SLCO1B1: variants seen among roughly 807,000 people sequenced by gnomAD.
The protein encoded by SLCO1B1 is OATP-2.
Under a neutral mutation model 70.1 loss-of-function variants are expected in SLCO1B1, and 81 were observed. That is an observed-to-expected ratio of 1.16 (90% CI 0.97 to 1.39). SLCO1B1 has a LOEUF of 1.39. SLCO1B1 is among the 40% of genes most tolerant of loss of function. The pLI, the probability that SLCO1B1 is intolerant of heterozygous loss-of-function variation, is 0.00. For synonymous variants in SLCO1B1, 283 were observed against 271.5 expected, an observed-to-expected ratio of 1.04 and a Z score of -0.42; for missense variants, 895 against 799.6, an observed-to-expected ratio of 1.12 and a Z score of -1.44.
Position 21,239,097 on chromosome 12 carries a change from G to T in SLCO1B1, c.1984G>T (p.Gly662Ter). 5 of 1,609,946 alleles carry T rather than the reference G, an allele frequency of 3.1e-6. No homozygotes were observed. The highest frequency in any genetic ancestry group is 4.2e-6 in the Non-Finnish European group (5 of 1,176,738). The stretch of plus-strand genomic sequence containing the variant: ...GAAAGATATCAATGCATCAGAAAAT[G>T]GAAGTGTCATGGATGAAGCAAACTT... Reference protein sequence around the residue: ...QEKDINASENGSVMDEANLES... With the variant: ...QEKDINASEN Residue 662 changes from glycine to a stop codon, truncating the protein, a stop_gained, in exon 15 of 15, where the codon GGA (glycine) becomes TGA (stop). Coordinates refer to ENST00000256958, the MANE Select transcript of SLCO1B1 (RefSeq NM_006446.5). LOFTEE classifies it low-confidence loss of function (END_TRUNC).
At chr12:21,213,757 C>T (rs1288544309) in intron 11 of SLCO1B1, among the ~76,000 whole-genome samples, 15 of 145,086 alleles carry the variant, frequency 1.0e-4, no homozygotes, top group African/African-American at 2.3e-4. Flanking sequence ...GGAGGCTTTG[C>T]TCGTTTCTTT....
intron 1 of SLCO1B1, among the ~76,000 whole-genome samples, chr12:21,139,705 ATGCATG>A (rs1940280244): frequency 6.6e-6 from 1 of 152,152 alleles, no homozygotes; most frequent in Non-Finnish European, 1.5e-5. Context: ...GGGCATTCAC[ATGCATG>A]TGCAAAGTGG....
chr12:21,215,260 C>A (rs569895802), intron 11 of SLCO1B1, among the ~76,000 whole-genome samples: 7 of 152,258 alleles, frequency 4.6e-5, no homozygotes, highest in Admixed American at 2.6e-4. Context: ...TGCTCCTGTT[C>A]TTAAGAAGAA....
chr12:21,151,546 TTAAGAA>T (rs1439666373), intron 2 of SLCO1B1, among the ~76,000 whole-genome samples: 5 of 152,136 alleles, frequency 3.3e-5, no homozygotes, highest in Non-Finnish European at 5.9e-5. Flanking sequence ...ATGTCTTAGA[TTAAGAA>T]TAAGAAAAGT....
chr12:21,209,745 G>A, intron 11 of SLCO1B1, among the ~76,000 whole-genome samples: 1 of 150,708 alleles, frequency 6.6e-6, no homozygotes, highest in East Asian at 2.0e-4. Context: ...TTTAATGATT[G>A]CCATTCTAAC....
At chr12:21,238,837 A>C (rs990636725) in intron 14 of SLCO1B1, 142 bp from the exon 15 acceptor site, 2 of 478,460 alleles carry the variant, frequency 4.2e-6, no homozygotes, top group South Asian at 6.2e-5. Context: ...GTTATGCCCC[A>C]ATAAAAAGAA....
intron 14 of SLCO1B1, among the ~76,000 whole-genome samples, chr12:21,237,490 C>G (rs1056075697): frequency 5.9e-5 from 9 of 152,112 alleles, no homozygotes; most frequent in African/African-American, 2.2e-4. Context: ...GTTTTTCCTT[C>G]TGGTTAGTTT....
Position 21,200,672 on chromosome 12 carries a change from G to A in SLCO1B1, c.1135G>A (p.Gly379Arg). 6.2e-7 allele frequency: 1 copy of A among 1,610,236 alleles called. No homozygotes were observed. The highest frequency in any genetic ancestry group is 8.5e-7 in the Non-Finnish European group (1 of 1,177,970). Residue 379 changes from glycine (G) to arginine (R), a missense_variant and splice_region_variant, in exon 9 of 15, where the codon GGA becomes AGA. Gly to Arg is a moderately radical substitution (Grantham distance 125). Transcript: ENST00000256958. ...TTCATCTAAGGCTAACATCTTATTG[G>A]GTAAGACATATTTTTTACTTGTGTG... ...QPSSKANILL[G>R]VITIPIFASG...
chr12:21,212,798 G>T (rs1941304359), intron 11 of SLCO1B1, among the ~76,000 whole-genome samples: 1 of 149,914 alleles, frequency 6.7e-6, no homozygotes, highest in Non-Finnish European at 1.5e-5. Context: ...TTGTTGAATT[G>T]ATCCCTTTAC....
rs544213427 is a variant in SLCO1B1 at position 21,168,334 on chromosome 12, G to T, written c.85-4316G>T. On this transcript the variant is annotated intron_variant, in intron 2 of 14. Coordinates refer to ENST00000256958, the MANE Select transcript of SLCO1B1 (RefSeq NM_006446.5). ...ACATTTGGGTTGCTTCTACATCTTG[G>T]CCGTTGTTAATAATGCTGCATGAAT... Among the ~76,000 whole-genome samples, 6 of 151,996 alleles carry T rather than the reference G, an allele frequency of 3.9e-5. No homozygotes were observed. In the South Asian group the frequency reaches 1.2e-3, roughly 32 times the overall value.
intron 2 of SLCO1B1, among the ~76,000 whole-genome samples, chr12:21,161,096 T>C (rs970861190): frequency 2.0e-5 from 3 of 152,154 alleles, no homozygotes; most frequent in Admixed American, 1.3e-4. Context: ...TGCAAAGCAG[T>C]GTGGCAATTC....
chr12:21,145,594 C>T (rs1940372261), intron 2 of SLCO1B1, among the ~76,000 whole-genome samples: 4 of 140,400 alleles, frequency 2.8e-5, no homozygotes, highest in Non-Finnish European at 6.1e-5. Context: ...GCTGGAATTA[C>T]AGGTATGAGC....
chr12:21,214,017 C>T (rs1412375835), intron 11 of SLCO1B1, among the ~76,000 whole-genome samples: 2 of 151,968 alleles, frequency 1.3e-5, no homozygotes, highest in Non-Finnish European at 1.5e-5. Flanking sequence ...TGAATGTCCT[C>T]CTGTAGCTCA....
At chr12:21,159,519 G>C (rs2121074709) in intron 2 of SLCO1B1, among the ~76,000 whole-genome samples, 1 of 152,050 alleles carries the variant, frequency 6.6e-6, no homozygotes, top group East Asian at 1.9e-4. Context: ...TGTGAAAAGG[G>C]GAAACTGAAG....
At chr12:21,235,149 G>A (rs781350964) in intron 14 of SLCO1B1, among the ~76,000 whole-genome samples, 6 of 148,626 alleles carry the variant, frequency 4.0e-5, no homozygotes, top group Non-Finnish European at 8.9e-5. Context: ...GTCTGGTGTC[G>A]AAGCTTATTA....
rs1424892403 is a variant in SLCO1B1 at position 21,213,853 on chromosome 12, G to A, written c.1498-3266G>A. ...CTGATACCCTTTCTTCCAGTTGATC[G>A]CATCGGCTCCTGAGGCTTCTGCATT... is the stretch of plus-strand genomic sequence containing the variant. On this transcript the variant is annotated intron_variant, in intron 11 of 14. Transcript: ENST00000256958. Among the ~76,000 whole-genome samples, 270 of 148,812 alleles carry A rather than the reference G, an allele frequency of 1.8e-3. 2 individuals carry two copies. The highest frequency in any genetic ancestry group is 6.0e-3 in the African/African-American group (241 of 40,104).
chr12:21,156,458 C>A (rs1940544276), intron 2 of SLCO1B1, among the ~76,000 whole-genome samples: 1 of 151,938 alleles, frequency 6.6e-6, no homozygotes, highest in Non-Finnish European at 1.5e-5. Flanking sequence ...TGAAATTAAT[C>A]AAATCAGCAC....
At chr12:21,148,607 A>G (rs967988371) in intron 2 of SLCO1B1, among the ~76,000 whole-genome samples, 1 of 151,000 alleles carries the variant, frequency 6.6e-6, no homozygotes, top group African/African-American at 2.4e-5. Context: ...TGTGTTGGTT[A>G]CTGGAGGCTT....
At chr12:21,176,957 TA>T in intron 5 of SLCO1B1, 60 bp downstream of exon 5, 1 of 1,305,378 alleles carries the variant, frequency 7.7e-7, no homozygotes, top group Non-Finnish European at 1.1e-6. Context: ...ATTACATCTC[TA>T]AAAATTGTTG....
Sources: allele counts gnomAD v4.1 joint callset (sites outside exome capture counted in the v4.1 genomes callset), GRCh38; gene constraint gnomAD v4.1.1; transcripts MANE v1.5; gene names NCBI Gene and HGNC (gene_info 2026-07-23, HGNC 2026-07-21).